Variants in GPSM1 observed in about 807,000 individuals in gnomAD.
GPSM1 encodes the protein G protein-signaling modulator 1.
A neutral mutation model predicts 70.5 loss-of-function variants in GPSM1; 48 were observed. That is an observed-to-expected ratio of 0.68 (90% CI 0.54 to 0.87). The LOEUF (loss-of-function observed/expected upper bound fraction) is 0.87. Among genes scored for constraint, GPSM1 ranks in the 40% least tolerant of loss-of-function variants. GPSM1 has a pLI of 0.00. For synonymous variants in GPSM1, 416 were observed against 430.1 expected (o/e 0.97, Z 0.41); for missense variants, 981 against 972.6 (o/e 1.01, Z -0.11).
intron 11 of GPSM1, 60 bp from the exon 12 acceptor site, chr9:136,355,630 G>A (rs547886370): frequency 2.4e-5 from 37 of 1,510,320 alleles, no homozygotes; most frequent in Middle Eastern, 1.7e-4. Context: ...AGCAGCCCCC[G>A]GTCTCGTCTG....
chr9:136,329,313 C>A (rs782536467), intron 1 of GPSM1, among the ~76,000 whole-genome samples: 3 of 152,234 alleles, frequency 2.0e-5, no homozygotes, highest in African/African-American at 4.8e-5. Context: ...AGTCTGCACC[C>A]CACCGTGTAG....
intron 1 of GPSM1, among the ~76,000 whole-genome samples, chr9:136,331,365 C>CT (rs1491365400): frequency 0.015 from 916 of 59,166 alleles, 8 homozygotes; most frequent in African/African-American, 0.06. Context: ...GGACTCTGAG[C>CT]CCCCCCCCCC....
chr9:136,358,015 C>A lies in GPSM1; in HGVS notation c.1823C>A (p.Ser608Tyr). Residue 608 changes from serine (S) to tyrosine (Y), a missense_variant and splice_region_variant, in exon 14 of 14, where the codon TCC becomes TAC. By Grantham distance (144) the Ser-to-Tyr change is moderately radical. Transcript: ENST00000440944. ...DFFNMLIKYQ[S>Y]SRIDDQRCPP... ...GCCAACTGCACTGTGTCCACCCAGT[C>A]CTCCAGGATCGATGACCAGCGCTGC... is the stretch of plus-strand genomic sequence containing the variant. 6.2e-7 allele frequency: 1 copy of A among 1,612,148 alleles called. No homozygotes were observed. Among genetic ancestry groups the A allele is most frequent in the Non-Finnish European group, 8.5e-7 (1 of 1,179,340 alleles).
In GPSM1 at chr9:136,356,321, T is replaced by TC. The variant is rs1554773127; in HGVS notation, c.1613-20dup. ...TTGACCCCGCACTGGGTCCCAGGTC[T>TC]CACCCTCTGGCCCCCCGCAGCCCAG... On this transcript the variant is annotated intron_variant, in intron 12 of 13. Transcript: ENST00000440944. The TC allele has an allele frequency of 3.9e-6, 6 of 1,529,168 alleles. No individual in the cohort carries two copies. In the South Asian group the frequency reaches 7.4e-5, roughly 19 times the overall value. The allele number at this position is 1,529,168 out of a possible 1,614,324, so 94.7% of individuals were successfully genotyped here.
chr9:136,332,266 T>C, intron 1 of GPSM1: 1 of 398,086 alleles, frequency 2.5e-6, no homozygotes, highest in Non-Finnish European at 4.4e-6. Flanking sequence ...ACCCACCTGG[T>C]GCAGCTGCAG....
intron 5 of GPSM1, 126 bp downstream of exon 5, chr9:136,337,690 C>T (rs1832278826): frequency 9.7e-7 from 1 of 1,030,952 alleles, no homozygotes; most frequent in African/African-American, 1.6e-5. Flanking sequence ...CCCACCGAGT[C>T]CTGGCCTCAT....
At chr9:136,348,122 T>C (rs1832567172) in intron 9 of GPSM1, among the ~76,000 whole-genome samples, 1 of 151,912 alleles carries the variant, frequency 6.6e-6, no homozygotes. Flanking sequence ...GCCAGTAGGG[T>C]GAGCCCCGGG....
intron 11 of GPSM1, among the ~76,000 whole-genome samples, chr9:136,351,468 G>A (rs1035271905): frequency 2.0e-5 from 3 of 152,228 alleles, no homozygotes; most frequent in Admixed American, 2.0e-4. Context: ...CGCCAAGGAA[G>A]GAGTGGGAGG....
chr9:136,346,938 G>C (rs1315718548), intron 9 of GPSM1, among the ~76,000 whole-genome samples: 1 of 152,208 alleles, frequency 6.6e-6, no homozygotes, highest in African/African-American at 2.4e-5. Context: ...AGGGCTAACG[G>C]TGGGGTCCGG....
At position 136,358,266 on chromosome 9, in the gene GPSM1, G is replaced by A. The variant is rs1435598090; in HGVS notation, c.*46G>A. 53 of 1,462,578 alleles carry A rather than the reference G, an allele frequency of 3.6e-5. No individual in the cohort carries two copies. The highest frequency in any genetic ancestry group is 4.4e-5 in the Non-Finnish European group (48 of 1,083,692). 90.6% of individuals were successfully genotyped at this position (1,462,578 alleles called of 1,614,324 possible). A position where few individuals can be genotyped will look rare whatever the true frequency, so the allele number is the denominator to read the frequency against. ...GCCCACCCTGCCCCCACTCCTGGACGCCGGTCTCACAGTCACAGCCACGTC... is the reference window on the plus strand; with the variant it reads ...GCCCACCCTGCCCCCACTCCTGGACACCGGTCTCACAGTCACAGCCACGTC... On this transcript the variant is annotated 3_prime_UTR_variant, in exon 14 of 14. Transcript: ENST00000440944.
At chr9:136,344,049 G>A (rs1175036149) in intron 9 of GPSM1, among the ~76,000 whole-genome samples, 3 of 152,088 alleles carry the variant, frequency 2.0e-5, no homozygotes, top group African/African-American at 7.3e-5. Context: ...GCCGCGTCCA[G>A]CAGCTGATAG....
At chr9:136,339,677 G>A (rs1554769850) in intron 7 of GPSM1, 30 bp from the exon 8 acceptor site, 12 of 1,432,294 alleles carry the variant, frequency 8.4e-6, no homozygotes, top group African/African-American at 5.6e-5. Flanking sequence ...TGGAGAGGGC[G>A]GGTATGAATC....
chr9:136,356,410 C>G lies in GPSM1; in HGVS notation c.1681C>G (p.Arg561Gly). The change falls in exon 13 of 14, where the codon CGC becomes GGC. Residue 561 changes from arginine (R) to glycine (G), a missense_variant. Arg to Gly is a moderately radical substitution (Grantham distance 125). Coordinates refer to ENST00000440944, the MANE Select transcript of GPSM1 (RefSeq NM_001145638.3). Reference sequence around the variant, plus strand: ...CGACCTCATCGCCAGCTCCCAGAGCCGCCGGCTGGACGACCAGCGGGCCAG... The same window carrying G: ...CGACCTCATCGCCAGCTCCCAGAGCGGCCGGCTGGACGACCAGCGGGCCAG... ...FFDLIASSQS[R>G]RLDDQRASVG... 6.2e-7 allele frequency: 1 copy of G among 1,608,898 alleles called. No homozygotes were observed. The highest frequency in any genetic ancestry group is 8.5e-7 in the Non-Finnish European group (1 of 1,178,004).
rs1554773133 is a variant in GPSM1 at position 136,356,336 on chromosome 9, C to T, written c.1613-6C>T. On this transcript the variant is annotated splice_region_variant and splice_polypyrimidine_tract_variant and intron_variant, in intron 12 of 13. Coordinates refer to ENST00000440944, the MANE Select transcript of GPSM1 (RefSeq NM_001145638.3). ...GTCCCAGGTCTCACCCTCTGGCCCC[C>T]CGCAGCCCAGCCCTCGATGACGGCC... 1 of 1,565,458 alleles carries T rather than the reference C, an allele frequency of 6.4e-7. No homozygotes were observed.
chr9:136,348,804 G>C, intron 10 of GPSM1, 37 bp downstream of exon 10: 1 of 1,504,658 alleles, frequency 6.6e-7, no homozygotes, highest in Non-Finnish European at 9.2e-7. Context: ...CAGCACAGCC[G>C]CTGCCAGAGC....
rs1445797451 is a variant in GPSM1, at chr9:136,345,721, T to C, written c.1208-2976T>C. On this transcript the variant is annotated intron_variant, in intron 9 of 13. Transcript: ENST00000440944. ...TGCACACCGGGAGACGGAGCGGGGC[T>C]CTCGCTGGGTGTGGTAAGTGAAGGG... is the stretch of plus-strand genomic sequence containing the variant. Among the ~76,000 whole-genome samples the C allele has an allele frequency of 3.3e-5, 5 of 152,198 alleles. No homozygotes were observed. The East Asian group carries it at 9.7e-4, about 29-fold the overall frequency.
chr9:136,340,019 C>T lies in GPSM1; in HGVS notation c.1083+204C>T, dbSNP rs1388001987. On this transcript the variant is annotated intron_variant, in intron 8 of 13. Transcript: ENST00000440944. The surrounding 1 kb of genome is among the most constrained non-coding windows in gnomAD (Gnocchi z 7.3). ...TTTTCCTGCAGCCCCCAGCTGGTGC[C>T]TTCCTGGGCAGCTGCGTCTCCTCCT... Among the ~76,000 whole-genome samples the T allele has an allele frequency of 2.2e-5, 3 of 137,290 alleles. No individual in the cohort carries two copies. Among genetic ancestry groups the T allele is most frequent in the Admixed American group, 7.2e-5 (1 of 13,844 alleles). 90.1% of individuals were successfully genotyped at this position (137,290 alleles called of 152,430 possible).
intron 12 of GPSM1, 37 bp from the exon 13 acceptor site, chr9:136,356,305 C>G: frequency 6.9e-7 from 1 of 1,454,950 alleles, no homozygotes; most frequent in Non-Finnish European, 9.2e-7. Context: ...CTTGACCCCG[C>G]ACTGGGTCCC....
At chr9:136,349,499 G>A (rs1265571552) in intron 10 of GPSM1, 88 bp from the exon 11 acceptor site, 3 of 1,202,748 alleles carry the variant, frequency 2.5e-6, no homozygotes, top group Non-Finnish European at 3.5e-6. Context: ...CCATGAAATG[G>A]AGGCGGCCTG....
Sources: gnomAD v4.1 joint callset for allele counts (sites outside exome capture counted in the v4.1 genomes callset) on GRCh38, gnomAD v4.1.1 for gene constraint, Gnocchi (gnomAD v3.1) non-coding constraint, MANE v1.5 for transcripts, NCBI Gene and HGNC (gene_info 2026-07-23, HGNC 2026-07-21) for gene names.